The following TAFA5 variants were observed in gnomAD, a reference collection of about 807,000 sequenced individuals.
TAFA5 encodes chemokine-like protein TAFA-5.
A neutral mutation model predicts 15.3 loss-of-function variants in TAFA5; 6 were observed. The ratio of observed to expected loss-of-function variants is 0.39; its 90% CI spans 0.21 to 0.77. The LOEUF is 0.77. TAFA5 is among the 30% of genes least tolerant of loss of function. The pLI is 0.41. For missense variants in TAFA5, 161 were observed against 193.1 expected (o/e 0.83, Z 0.98); for synonymous variants, 103 against 80.7 (o/e 1.28, Z -1.48).
chr22:48,615,860 C>G (rs1925584914), intron 1 of TAFA5, among the ~76,000 whole-genome samples: 1 of 152,236 alleles, frequency 6.6e-6, no homozygotes, highest in South Asian at 2.1e-4. Context: ...GCACATCCCT[C>G]CTGGGGCTGT....
At chr22:48,613,607 AAC>A (rs57664929) in intron 1 of TAFA5, among the ~76,000 whole-genome samples, 3,356 of 152,204 alleles carry the variant, frequency 0.022, 148 homozygotes, top group African/African-American at 0.076. Flanking sequence ...TGAATTAGAA[AAC>A]ACGGATTTCC....
chr22:48,664,535 AT>A (rs1238276054), intron 2 of TAFA5, among the ~76,000 whole-genome samples: 1 of 152,240 alleles, frequency 6.6e-6, no homozygotes, highest in African/African-American at 2.4e-5. Flanking sequence ...ACTTAAAAAA[AT>A]ATTTCATTGA....
intron 1 of TAFA5, among the ~76,000 whole-genome samples, chr22:48,524,163 C>T (rs140107681): frequency 2.7e-3 from 415 of 152,300 alleles, no homozygotes; most frequent in African/African-American, 9.6e-3. Context: ...TTCCTTTGTG[C>T]GGCTGGCAGC....
chr22:48,523,360 G>A (rs1479844826), intron 1 of TAFA5, among the ~76,000 whole-genome samples: 1 of 152,248 alleles, frequency 6.6e-6, no homozygotes, highest in Non-Finnish European at 1.5e-5. Flanking sequence ...ACCAGCCCCT[G>A]AGTCAGCAAA....
At chr22:48,696,180 ACT>A (rs1444534392) in intron 2 of TAFA5, among the ~76,000 whole-genome samples, 2 of 152,150 alleles carry the variant, frequency 1.3e-5, no homozygotes, top group Non-Finnish European at 2.9e-5. Context: ...GCACACCCAC[ACT>A]GAGGCTGGGG....
intron 1 of TAFA5, among the ~76,000 whole-genome samples, chr22:48,590,067 G>A (rs1434374442): frequency 6.6e-6 from 1 of 152,092 alleles, no homozygotes; most frequent in Non-Finnish European, 1.5e-5. Flanking sequence ...CTGGCGGATG[G>A]GGCCTGGGTC....
chr22:48,602,131 A>G (rs1924997204), intron 1 of TAFA5, among the ~76,000 whole-genome samples: 1 of 152,196 alleles, frequency 6.6e-6, no homozygotes, highest in African/African-American at 2.4e-5. Flanking sequence ...CATCCAGGGC[A>G]CATGCCCTCC....
chr22:48,734,888 A>C (rs553580831), intron 3 of TAFA5, among the ~76,000 whole-genome samples: 5 of 152,290 alleles, frequency 3.3e-5, no homozygotes, highest in African/African-American at 1.2e-4. Flanking sequence ...CACCATGTTC[A>C]AAACTAAATT....
chr22:48,671,929 T>C (rs1470110761), intron 2 of TAFA5, among the ~76,000 whole-genome samples: 1 of 152,214 alleles, frequency 6.6e-6, no homozygotes, highest in Non-Finnish European at 1.5e-5. Context: ...AACTGCATCC[T>C]TGGGGTCCAG....
chr22:48,649,102 G>A (rs1926965207), intron 2 of TAFA5, among the ~76,000 whole-genome samples: 1 of 152,210 alleles, frequency 6.6e-6, no homozygotes, highest in South Asian at 2.1e-4. Flanking sequence ...TTATAGGAAG[G>A]GAAGAAGGGG....
chr22:48,633,093 G>C (rs1926292004), intron 1 of TAFA5, among the ~76,000 whole-genome samples: 1 of 152,132 alleles, frequency 6.6e-6, no homozygotes. Context: ...GGGCTCCCAG[G>C]GGCTGGACCA....
intron 2 of TAFA5, among the ~76,000 whole-genome samples, chr22:48,670,819 G>A (rs2147221962): frequency 6.6e-6 from 1 of 152,322 alleles, no homozygotes; most frequent in Middle Eastern, 3.4e-3. Flanking sequence ...AGGAGCCGTG[G>A]CTTACTTTGA....
intron 1 of TAFA5, among the ~76,000 whole-genome samples, chr22:48,617,128 T>C (rs1925637627): frequency 6.6e-6 from 1 of 152,186 alleles, no homozygotes; most frequent in Non-Finnish European, 1.5e-5. Flanking sequence ...GGATGTGTCA[T>C]TTCGCCAGGC....
At chr22:48,745,514 C>T (rs1304728181) in intron 3 of TAFA5, among the ~76,000 whole-genome samples, 3 of 150,448 alleles carry the variant, frequency 2.0e-5, no homozygotes, top group Admixed American at 2.0e-4. Context: ...TGAGCATGGG[C>T]ACACACGGCT....
chr22:48,732,841 C>T (rs1421075204), intron 3 of TAFA5, among the ~76,000 whole-genome samples: 4 of 152,316 alleles, frequency 2.6e-5, no homozygotes, highest in Middle Eastern at 3.4e-3. Flanking sequence ...CAGCAACCAC[C>T]GCCCTGATCA....
chr22:48,612,549 C>T (rs1925448030), intron 1 of TAFA5, among the ~76,000 whole-genome samples: 1 of 152,080 alleles, frequency 6.6e-6, no homozygotes, highest in Non-Finnish European at 1.5e-5. Context: ...GTGGGCTCTT[C>T]CGACCCCCAG....
rs925327961 is a variant in TAFA5, at chr22:48,618,397, G to A, written c.113-28200G>A. On this transcript the variant is annotated intron_variant, in intron 1 of 3. Coordinates refer to ENST00000402357, the MANE Select transcript of TAFA5 (RefSeq NM_001082967.3). Reference sequence around the variant, plus strand: ...AGATTGAATTAGAAAAAGGCCATGCGTGCAGTTTTGGAACAAGAGACCTCG... The same window carrying A: ...AGATTGAATTAGAAAAAGGCCATGCATGCAGTTTTGGAACAAGAGACCTCG... Among the ~76,000 whole-genome samples the A allele has an allele frequency of 3.3e-5, 5 of 152,240 alleles. No individual in the cohort carries two copies. In the East Asian group the frequency reaches 5.8e-4, roughly 18 times the overall value.
intron 1 of TAFA5, among the ~76,000 whole-genome samples, chr22:48,636,028 G>A (rs921817351): frequency 6.6e-6 from 1 of 152,206 alleles, no homozygotes; most frequent in Admixed American, 6.5e-5. Context: ...CCCTGCCCAC[G>A]TTTGCAGGTG....
chr22:48,661,940 G>A (rs1232743362), intron 2 of TAFA5, among the ~76,000 whole-genome samples: 2 of 146,610 alleles, frequency 1.4e-5, no homozygotes, highest in Non-Finnish European at 3.0e-5. Flanking sequence ...ACTTTGGGGA[G>A]ATGGTGACTG....
Sources: gnomAD v4.1 joint callset for allele counts (sites outside exome capture counted in the v4.1 genomes callset) on GRCh38, gnomAD v4.1.1 for gene constraint, MANE v1.5 for transcripts, NCBI Gene and HGNC (gene_info 2026-07-23, HGNC 2026-07-21) for gene names.